Variants in ANKFN1 observed in about 807,000 individuals in gnomAD.
ANKFN1 encodes ankyrin repeat and fibronectin type-III domain-containing protein 1.
A neutral mutation model predicts 108.7 loss-of-function variants in ANKFN1; 74 were observed. The observed-to-expected ratio is 0.68, with a 90% confidence interval of 0.56 to 0.83. ANKFN1 has a LOEUF of 0.83. Among genes scored for constraint, ANKFN1 ranks in the 40% least tolerant of loss-of-function variants. The probability of loss-of-function intolerance (pLI) is 0.00; values close to 1 mark genes in which losing one functional copy is unlikely to be tolerated. For synonymous variants in ANKFN1, 547 were observed against 516.2 expected, an observed-to-expected ratio of 1.06 and a Z score of -0.81; for missense variants, 1,505 against 1,382.3, an observed-to-expected ratio of 1.09 and a Z score of -1.41.
chr17:56,343,756 A>T (rs8076352), intron 4 of ANKFN1, among the ~76,000 whole-genome samples: 103,919 of 151,672 alleles, frequency 0.69, 36,055 homozygotes, highest in East Asian at 0.96. Flanking sequence ...CACTCTTCAC[A>T]TTTCTTCATA....
intron 4 of ANKFN1, among the ~76,000 whole-genome samples, chr17:56,100,023 A>G (rs1905610786): frequency 6.6e-6 from 1 of 152,224 alleles, no homozygotes; most frequent in African/African-American, 2.4e-5. Context: ...AACTCTAACA[A>G]AGAAAGCGGC....
intron 1 of ANKFN1, among the ~76,000 whole-genome samples, chr17:56,211,856 G>A (rs1378995113): frequency 6.6e-6 from 1 of 151,860 alleles, no homozygotes. Context: ...TAATTTTTTT[G>A]CAGCTATTAT....
chr17:56,144,775 C>T (rs1206165852), intron 4 of ANKFN1, among the ~76,000 whole-genome samples: 11 of 152,122 alleles, frequency 7.2e-5, no homozygotes, highest in South Asian at 2.1e-4. Context: ...GATGGACAGC[C>T]GAGGAGCATT....
chr17:56,293,279 G>A (rs1273396731), intron 3 of ANKFN1, among the ~76,000 whole-genome samples: 1 of 152,140 alleles, frequency 6.6e-6, no homozygotes, highest in East Asian at 1.9e-4. Context: ...GTTAGGCACA[G>A]GGCCAAACAT....
At chr17:56,125,743 A>G (rs1236187832) in intron 4 of ANKFN1, among the ~76,000 whole-genome samples, 8 of 152,240 alleles carry the variant, frequency 5.3e-5, no homozygotes, top group South Asian at 4.1e-4. Context: ...GGAACTCCAC[A>G]GCACACACTT....
intron 3 of ANKFN1, among the ~76,000 whole-genome samples, chr17:56,309,396 T>C (rs1412542614): frequency 6.6e-6 from 1 of 152,194 alleles, no homozygotes; most frequent in Non-Finnish European, 1.5e-5. Context: ...GGTAATGACA[T>C]CTCCACTTAA....
chr17:56,369,108 T>G (rs961418727), intron 6 of ANKFN1, among the ~76,000 whole-genome samples: 2 of 152,216 alleles, frequency 1.3e-5, no homozygotes, highest in African/African-American at 4.8e-5. Context: ...TACGCACACC[T>G]TTCTTTAGCA....
In ANKFN1 at chr17:56,477,625, G is replaced by A. The variant is rs2050550886; in HGVS notation, c.1911G>A (p.Val637=). The part of the protein sequence containing the change: ...TQKLPNILCH[V]KIRENNNISR... ...AGTTGCCCAACATTCTCTGCCACGT[G>A]AAGATCCGTGAAAACAATAATATTT... is the stretch of plus-strand genomic sequence containing the variant. Residue 637 remains valine (V), a synonymous_variant, in exon 16 of 21, where the codon GTG becomes GTA. Transcript: ENST00000682825. The A allele has an allele frequency of 6.2e-7, 1 of 1,612,908 alleles. No individual in the cohort carries two copies. Among genetic ancestry groups the A allele is most frequent in the Non-Finnish European group, 8.5e-7 (1 of 1,179,662 alleles).
intron 4 of ANKFN1, among the ~76,000 whole-genome samples, chr17:56,078,552 C>T (rs1905207981): frequency 6.6e-6 from 1 of 152,188 alleles, no homozygotes; most frequent in Non-Finnish European, 1.5e-5. Context: ...GAGTTTATAA[C>T]TGTTGTTTGT....
intron 3 of ANKFN1, among the ~76,000 whole-genome samples, chr17:56,280,389 C>T (rs2044047549): frequency 6.6e-6 from 1 of 152,134 alleles, no homozygotes; most frequent in Non-Finnish European, 1.5e-5. Context: ...ACCATATTCT[C>T]CTGCCTTCTA....
chr17:56,405,278 T>C (rs1168057780), intron 8 of ANKFN1, among the ~76,000 whole-genome samples: 2 of 152,268 alleles, frequency 1.3e-5, no homozygotes, highest in African/African-American at 4.8e-5. Context: ...CCTAAGCATA[T>C]AAAAAGATGT....
chr17:56,456,958 A>C lies in ANKFN1; in HGVS notation c.1305A>C (p.Lys435Asn). 6.2e-7 allele frequency: 1 copy of C among 1,613,098 alleles called. No individual in the cohort carries two copies. Among genetic ancestry groups the C allele is most frequent in the Non-Finnish European group, 8.5e-7 (1 of 1,179,072 alleles). ...HSSNKFVKTL[K>N]RGLYIAVIFY... Reference sequence around the variant, plus strand: ...CGAACAAGTTTGTGAAGACCTTAAAACGGTGGGTTCTATGTAGTTTTTTCA... The same window carrying C: ...CGAACAAGTTTGTGAAGACCTTAAACCGGTGGGTTCTATGTAGTTTTTTCA... Residue 435 changes from lysine to asparagine, a missense_variant and splice_region_variant, in exon 12 of 21, where the codon AAA becomes AAC. By Grantham distance (94) the Lys-to-Asn change is moderately conservative. Transcript: ENST00000682825.
At chr17:56,429,788 A>G (rs1032619705) in intron 8 of ANKFN1, among the ~76,000 whole-genome samples, 3 of 152,226 alleles carry the variant, frequency 2.0e-5, no homozygotes, top group African/African-American at 7.2e-5. Flanking sequence ...CAGCTATAAA[A>G]CTGTTGTAGG....
intron 8 of ANKFN1, among the ~76,000 whole-genome samples, chr17:56,424,693 T>C (rs1449071976): frequency 6.6e-6 from 1 of 152,158 alleles, no homozygotes; most frequent in Non-Finnish European, 1.5e-5. Context: ...TGACGGAGTA[T>C]TTGCTCCAAT....
chr17:56,457,914 T>A lies in ANKFN1; in HGVS notation c.1492T>A (p.Ser498Thr), dbSNP rs765342668. Residue 498 changes from serine (S) to threonine (T), a missense_variant, in exon 14 of 21, where the codon TCC becomes ACC. Ser to Thr is a moderately conservative substitution (Grantham distance 58). Coordinates refer to ENST00000682825, the MANE Select transcript of ANKFN1 (RefSeq NM_001370326.1). ...IRWLRQSIPI[S>T]SSSSTVLQTR... ...GTGGCTGAGGCAAAGCATACCAATA[T>A]CCTCATCCTCATCCACAGTGCTGCA... The A allele has an allele frequency of 6.2e-7, 1 of 1,613,994 alleles. No individual in the cohort carries two copies. The highest frequency in any genetic ancestry group is 8.5e-7 in the Non-Finnish European group (1 of 1,179,992).
chr17:56,067,439 C>G (rs1334960009), intron 4 of ANKFN1, among the ~76,000 whole-genome samples: 1 of 152,116 alleles, frequency 6.6e-6, no homozygotes, highest in African/African-American at 2.4e-5. Context: ...ATCTCATGGC[C>G]TCTCTTTCTC....
intron 4 of ANKFN1, among the ~76,000 whole-genome samples, chr17:56,339,439 T>C (rs1025634825): frequency 6.6e-6 from 1 of 152,030 alleles, no homozygotes; most frequent in Non-Finnish European, 1.5e-5. Context: ...TAGTTGTTTT[T>C]CCTGATCCTC....
chr17:56,131,903 A>G (rs1227435254), intron 4 of ANKFN1, among the ~76,000 whole-genome samples: 2 of 152,178 alleles, frequency 1.3e-5, no homozygotes, highest in African/African-American at 4.8e-5. Flanking sequence ...TGAATCTTTG[A>G]TCATATGAAG....
intron 1 of ANKFN1, among the ~76,000 whole-genome samples, chr17:56,157,867 C>A (rs1909260464): frequency 6.6e-6 from 1 of 152,320 alleles, no homozygotes; most frequent in African/African-American, 2.4e-5. Flanking sequence ...GGTACCTGTT[C>A]CTCTCCACTC....
Sources: gnomAD v4.1 joint callset for allele counts (sites outside exome capture counted in the v4.1 genomes callset) on GRCh38, gnomAD v4.1.1 for gene constraint, MANE v1.5 for transcripts, NCBI Gene and HGNC (gene_info 2026-07-23, HGNC 2026-07-21) for gene names.